HS6ST3: variants seen among roughly 807,000 people sequenced by gnomAD.
The protein encoded by HS6ST3 is heparan-sulfate 6-O-sulfotransferase 3.
HS6ST3 carries 12 observed loss-of-function variants against 36.7 expected under a neutral mutation model. The observed-to-expected ratio is 0.33, with a 90% CI of 0.21 to 0.53. The LOEUF (loss-of-function observed/expected upper bound fraction) is 0.53. Among genes scored for constraint, HS6ST3 ranks in the 20% least tolerant of loss-of-function variants. HS6ST3 has a pLI of 0.95. For synonymous variants in HS6ST3, 240 were observed against 257.5 expected (o/e 0.93, Z 0.65); for missense variants, 584 against 640.9 (o/e 0.91, Z 0.96).
At chr13:96,231,840 G>T (rs2054509902) in intron 1 of HS6ST3, among the ~76,000 whole-genome samples, 1 of 152,174 alleles carries the variant, frequency 6.6e-6, no homozygotes, top group African/African-American at 2.4e-5. Flanking sequence ...AGTACATAGG[G>T]GGGTTAACCT....
chr13:96,793,536 C>T (rs767385996), intron 1 of HS6ST3, among the ~76,000 whole-genome samples: 24 of 152,058 alleles, frequency 1.6e-4, no homozygotes, highest in Non-Finnish European at 3.1e-4. Flanking sequence ...TACAAAACAG[C>T]CCAGCCTATT....
chr13:96,487,338 T>C (rs1461975965), intron 1 of HS6ST3, among the ~76,000 whole-genome samples: 1 of 151,940 alleles, frequency 6.6e-6, no homozygotes, highest in Admixed American at 6.6e-5. Flanking sequence ...ATATTTGAGG[T>C]TTTTCAGAGC....
At chr13:96,827,382 A>G (rs1164977168) in intron 1 of HS6ST3, among the ~76,000 whole-genome samples, 3 of 152,214 alleles carry the variant, frequency 2.0e-5, no homozygotes, top group African/African-American at 7.2e-5. Flanking sequence ...GATACTGTCT[A>G]TGCATATGAG....
At chr13:96,238,164 TG>T (rs34555659) in intron 1 of HS6ST3, among the ~76,000 whole-genome samples, 1 of 152,116 alleles carries the variant, frequency 6.6e-6, no homozygotes, top group African/African-American at 2.4e-5. Context: ...GAAAGAACTC[TG>T]GGGGGTCATC....
At chr13:96,688,727 T>C (rs1040861970) in intron 1 of HS6ST3, among the ~76,000 whole-genome samples, 1 of 152,094 alleles carries the variant, frequency 6.6e-6, no homozygotes, top group Admixed American at 6.6e-5. Context: ...ATATTTATAA[T>C]CTTCATTAAA....
At chr13:96,155,074 A>G (rs1220113675) in intron 1 of HS6ST3, among the ~76,000 whole-genome samples, 1 of 152,184 alleles carries the variant, frequency 6.6e-6, no homozygotes, top group African/African-American at 2.4e-5. Flanking sequence ...ATTCAGTTAT[A>G]TATTGTTCAG....
intron 1 of HS6ST3, among the ~76,000 whole-genome samples, chr13:96,380,798 T>C (rs1396543372): frequency 6.6e-6 from 1 of 152,246 alleles, no homozygotes; most frequent in Admixed American, 6.5e-5. Context: ...TGTTTCTTCA[T>C]ATTCCAAAAC....
intron 1 of HS6ST3, among the ~76,000 whole-genome samples, chr13:96,162,141 G>A (rs2054138481): frequency 6.6e-6 from 1 of 152,132 alleles, no homozygotes; most frequent in African/African-American, 2.4e-5. Flanking sequence ...GGGAGATCAA[G>A]GAATTTTCCC....
intron 1 of HS6ST3, among the ~76,000 whole-genome samples, chr13:96,603,400 G>A (rs2056428308): frequency 6.6e-6 from 1 of 152,138 alleles, no homozygotes. Context: ...TGTTTTTCTT[G>A]TGGTAGTTCA....
intron 1 of HS6ST3, among the ~76,000 whole-genome samples, chr13:96,113,846 A>G (rs1009022435): frequency 6.6e-6 from 1 of 152,206 alleles, no homozygotes; most frequent in Non-Finnish European, 1.5e-5. Context: ...ACCATTATTT[A>G]TAATGGCAAA....
intron 1 of HS6ST3, among the ~76,000 whole-genome samples, chr13:96,655,384 C>T (rs1044180878): frequency 6.6e-6 from 1 of 152,056 alleles, no homozygotes; most frequent in African/African-American, 2.4e-5. Context: ...AAGATTATTG[C>T]ATATTTCCAG....
At chr13:96,737,654 AAAAG>A (rs1417958779) in intron 1 of HS6ST3, among the ~76,000 whole-genome samples, 6 of 151,614 alleles carry the variant, frequency 4.0e-5, no homozygotes, top group Admixed American at 6.5e-5. Flanking sequence ...AAAAAAAAAA[AAAAG>A]AGATTATTTT....
chr13:96,457,036 AATAAT>A (rs1223803280), intron 1 of HS6ST3, among the ~76,000 whole-genome samples: 2 of 152,186 alleles, frequency 1.3e-5, no homozygotes, highest in Non-Finnish European at 2.9e-5. Context: ...GCAGTAGTAA[AATAAT>A]AGGTAAAAAA....
rs7988397 is a variant in HS6ST3, at chr13:96,439,442, G to A, written c.707+347873G>A. Among the ~76,000 whole-genome samples the A allele has an allele frequency of 6.6e-3, 1,005 of 152,308 alleles. 15 individuals are homozygous for A. Among genetic ancestry groups the A allele is most frequent in the African/African-American group, 0.023 (965 of 41,566 alleles). Reference sequence around the variant, plus strand: ...CCAAGGGACATATGTTTAGTGGTTTGTTCAAAGCAATTCAAATAAATTAAT... The same window carrying A: ...CCAAGGGACATATGTTTAGTGGTTTATTCAAAGCAATTCAAATAAATTAAT... On this transcript the variant is annotated intron_variant, in intron 1 of 1. Transcript: ENST00000376705.
chr13:96,743,194 T>G (rs770978029), intron 1 of HS6ST3, among the ~76,000 whole-genome samples: 9 of 152,140 alleles, frequency 5.9e-5, no homozygotes, highest in Non-Finnish European at 1.3e-4. Flanking sequence ...GGGTTCTTTA[T>G]GTTTGAACCA....
rs138721381 is a variant in HS6ST3 at position 96,516,331 on chromosome 13, G to A, written c.708-316159G>A. On this transcript the variant is annotated intron_variant, in intron 1 of 1. Coordinates refer to ENST00000376705, the MANE Select transcript of HS6ST3 (RefSeq NM_153456.4). ...TCTGCCCCCAAAGTGCTGGGATTAT[G>A]AGTGTGAGCCACCATTCCCGGCCAA... Among the ~76,000 whole-genome samples, 163 of 152,166 alleles carry A rather than the reference G, an allele frequency of 1.1e-3. 1 individual carries two copies. The highest frequency in any genetic ancestry group is 9.1e-3 in the South Asian group (44 of 4,820).
At chr13:96,362,297 A>AC (rs1171320065) in intron 1 of HS6ST3, among the ~76,000 whole-genome samples, 2 of 152,044 alleles carry the variant, frequency 1.3e-5, no homozygotes, top group Non-Finnish European at 2.9e-5. Flanking sequence ...AATTAAAAAA[A>AC]CTGTTCTTAT....
At chr13:96,628,141 A>G (rs879341630) in intron 1 of HS6ST3, among the ~76,000 whole-genome samples, 10 of 151,856 alleles carry the variant, frequency 6.6e-5, no homozygotes, top group Admixed American at 1.3e-4. Flanking sequence ...TTTTTAATGT[A>G]TGCATGTAAG....
chr13:96,597,314 T>C (rs945291522), intron 1 of HS6ST3, among the ~76,000 whole-genome samples: 2 of 150,424 alleles, frequency 1.3e-5, no homozygotes, highest in Non-Finnish European at 1.5e-5. Flanking sequence ...ATGACAAACC[T>C]GCACATGTAC....
Sources: gnomAD v4.1 joint callset for allele counts (sites outside exome capture counted in the v4.1 genomes callset) on GRCh38, gnomAD v4.1.1 for gene constraint, MANE v1.5 for transcripts, NCBI Gene and HGNC (gene_info 2026-07-23, HGNC 2026-07-21) for gene names.